Variants in GGT7 observed in about 807,000 individuals in gnomAD.
GGT7 encodes the protein gamma-glutamyltransferase 7.
Under a neutral mutation model 69.2 loss-of-function variants are expected in GGT7, and 30 were observed. The ratio of observed to expected loss-of-function variants is 0.43; its 90% CI spans 0.32 to 0.59. The LOEUF (loss-of-function observed/expected upper bound fraction) is 0.59, where lower values mean the gene tolerates loss of function less well. Among genes scored for constraint, GGT7 ranks in the 20% least tolerant of loss-of-function variants. GGT7 has a pLI of 0.05. For missense variants in GGT7, 733 were observed against 901.1 expected (o/e 0.81, Z 2.39); for synonymous variants, 388 against 391.8 (o/e 0.99, Z 0.12).
chr20:34,854,385 C>T lies in GGT7; in HGVS notation c.1319+146G>A, dbSNP rs562835989. 24 of 608,376 alleles carry T rather than the reference C, an allele frequency of 3.9e-5. No individual in the cohort carries two copies. In the East Asian group the frequency reaches 5.8e-4, roughly 15 times the overall value. 37.7% of individuals were successfully genotyped at this position (608,376 alleles called of 1,614,324 possible). A position where few individuals can be genotyped will look rare whatever the true frequency, so the allele number is the denominator to read the frequency against. ...AGGAAAGGTGAGGTGCAGGGAGAGGCACCCAGTGTCACGTTGTGAGTTGGG... is the reference window on the plus strand; with the variant it reads ...AGGAAAGGTGAGGTGCAGGGAGAGGTACCCAGTGTCACGTTGTGAGTTGGG... On this transcript the variant is annotated intron_variant, in intron 10 of 14. Coordinates refer to ENST00000336431, the MANE Select transcript of GGT7 (RefSeq NM_178026.3).
chr20:34,848,959 T>TC (rs1347469267), intron 14 of GGT7, among the ~76,000 whole-genome samples: 1 of 152,202 alleles, frequency 6.6e-6, no homozygotes, highest in Non-Finnish European at 1.5e-5. Context: ...AGCCCTTTTC[T>TC]TAGAGGAAAG....
At position 34,863,564 on chromosome 20, in the gene GGT7, C is replaced by CG; in HGVS notation, c.170-17dup. On this transcript the variant is annotated splice_polypyrimidine_tract_variant and intron_variant, in intron 1 of 14. Coordinates refer to ENST00000336431, the MANE Select transcript of GGT7 (RefSeq NM_178026.3). This position sits in a 1 kb window ranked among gnomAD's most constrained non-coding sequence, Gnocchi z 4.4. ...GAGTCCGGGTCTGCGGGCAGGCAGC[C>CG]GGGGTCGGTCTGGGCATCTCCTATC... is the stretch of plus-strand genomic sequence containing the variant. 6.5e-7 allele frequency: 1 copy of CG among 1,532,184 alleles called. No homozygotes were observed. The highest frequency in any genetic ancestry group is 8.9e-7 in the Non-Finnish European group (1 of 1,129,822). The allele number at this position is 1,532,184 out of a possible 1,614,324, so 94.9% of individuals were successfully genotyped here. A position where few individuals can be genotyped will look rare whatever the true frequency, so the allele number is the denominator to read the frequency against.
At chr20:34,867,723 T>A (rs1013770739) in intron 1 of GGT7, among the ~76,000 whole-genome samples, 1 of 151,924 alleles carries the variant, frequency 6.6e-6, no homozygotes, top group African/African-American at 2.4e-5. Context: ...TAAAGTAAAA[T>A]ATAAAATAAA....
intron 10 of GGT7, 43 bp downstream of exon 10, chr20:34,854,488 C>G (rs763012869): frequency 8.3e-7 from 1 of 1,202,272 alleles, no homozygotes; most frequent in South Asian, 1.2e-5. Context: ...TTCCCCACAC[C>G]CACCGCTGCC....
intron 8 of GGT7, among the ~76,000 whole-genome samples, chr20:34,856,445 G>C (rs984802543): frequency 6.6e-6 from 1 of 152,184 alleles, no homozygotes; most frequent in African/African-American, 2.4e-5. Flanking sequence ...GTGAAGCTTG[G>C]ATGGACTTTG....
intron 2 of GGT7, 23 bp from the exon 3 acceptor site, chr20:34,862,988 GT>G: frequency 6.2e-7 from 1 of 1,603,702 alleles, no homozygotes; most frequent in South Asian, 1.1e-5. Flanking sequence ...AGAGGACTTG[GT>G]GGGGGCAGGA....
Position 34,854,884 on chromosome 20 carries a change from G to A in GGT7, c.1142C>T (p.Pro381Leu). The A allele has an allele frequency of 6.2e-7, 1 of 1,614,014 alleles. No individual in the cohort carries two copies. Among genetic ancestry groups the A allele is most frequent in the Non-Finnish European group, 8.5e-7 (1 of 1,179,896 alleles). Residue 381 changes from proline to leucine, a missense_variant, in exon 9 of 15, where the codon CCT becomes CTT. Transcript: ENST00000336431. The stretch of plus-strand genomic sequence containing the variant: ...GATGTTGAGAGCACTGATGAGGGCA[G>A]GGCCCGTGTGCGGAGGTGGGGGACT... ...VLSPPPPHTG[P>L]ALISALNILE...
At position 34,845,149 on chromosome 20, in the gene GGT7, CA is replaced by C; in HGVS notation, c.*178del. 2.3e-5 allele frequency: 13 copies of C among 557,782 alleles called. No homozygotes were observed. Among genetic ancestry groups the C allele is most frequent in the Non-Finnish European group, 2.9e-5 (9 of 314,778 alleles). 34.6% of individuals were successfully genotyped at this position (557,782 alleles called of 1,614,324 possible). The stretch of plus-strand genomic sequence containing the variant: ...CCACCACCACCACCACCACCACCAC[CA>C]CCACAGGCCTCCTGATGGAGAATTT... On this transcript the variant is annotated 3_prime_UTR_variant, in exon 15 of 15. Coordinates refer to ENST00000336431, the MANE Select transcript of GGT7 (RefSeq NM_178026.3).
In GGT7 at chr20:34,860,061, A is replaced by T; in HGVS notation, c.744-19T>A. 4 of 806,548 alleles carry T rather than the reference A, an allele frequency of 5.0e-6. No individual in the cohort carries two copies. Among genetic ancestry groups the T allele is most frequent in the South Asian group, 1.6e-5 (1 of 63,996 alleles). The allele number at this position is 806,548 out of a possible 1,614,324, so 50.0% of individuals were successfully genotyped here. ...TGGCAGCCTGGGGGGGCCGGAGAGC[A>T]GGGGGTGGAGGAGGTCCTGGGGGAA... On this transcript the variant is annotated intron_variant, in intron 5 of 14. Coordinates refer to ENST00000336431, the MANE Select transcript of GGT7 (RefSeq NM_178026.3).
At position 34,852,291 on chromosome 20, in the gene GGT7, T is replaced by C. The variant is rs1601221147; in HGVS notation, c.1470-19A>G. On this transcript the variant is annotated intron_variant, in intron 11 of 14. Coordinates refer to ENST00000336431, the MANE Select transcript of GGT7 (RefSeq NM_178026.3). ...CAGGGAGCTGGGGGCCGAGGTGGGG[T>C]TGGGTGAGCCCTGGCCCATCCTCAC... is the stretch of plus-strand genomic sequence containing the variant. 2 of 1,602,722 alleles carry C rather than the reference T, an allele frequency of 1.2e-6. No homozygotes were observed. Among genetic ancestry groups the C allele is most frequent in the African/African-American group, 2.7e-5 (2 of 74,644 alleles).
intron 8 of GGT7, 93 bp downstream of exon 8, chr20:34,856,713 G>A: frequency 1.3e-6 from 1 of 741,124 alleles, no homozygotes; most frequent in Non-Finnish European, 2.4e-6. Flanking sequence ...TCTCTCCTGT[G>A]AAATGGAGAG....
At chr20:34,866,753 A>C (rs1250863625) in intron 1 of GGT7, among the ~76,000 whole-genome samples, 1 of 151,816 alleles carries the variant, frequency 6.6e-6, no homozygotes, top group Non-Finnish European at 1.5e-5. Flanking sequence ...CTAATTTTTT[A>C]TATTTTTAGT....
Position 34,852,424 on chromosome 20 carries a change from G to C in GGT7, c.1434C>G (p.Ile478Met), listed in dbSNP as rs2079412152. 1 of 1,613,990 alleles carries C rather than the reference G, an allele frequency of 6.2e-7. No homozygotes were observed. Among genetic ancestry groups the C allele is most frequent in the Admixed American group, 1.7e-5 (1 of 60,002 alleles). The part of the protein sequence containing the change: ...DGAPTAAQVL[I>M]MGPDDFIVAM... ...CCACAATGAAGTCATCAGGTCCCAT[G>C]ATCAGCACCTGGGCAGCCGTGGGAG... The change falls in exon 11 of 15, where the codon ATC becomes ATG. Residue 478 changes from isoleucine to methionine, a missense_variant. By Grantham distance (10) the Ile-to-Met change is conservative. Transcript: ENST00000336431.
At chr20:34,864,171 A>C (rs2079651183) in intron 1 of GGT7, among the ~76,000 whole-genome samples, 2 of 152,116 alleles carry the variant, frequency 1.3e-5, no homozygotes, top group South Asian at 4.1e-4. Flanking sequence ...GTGGTAGGGG[A>C]GGGAGGATTC....
chr20:34,852,482 G>T lies in GGT7; in HGVS notation c.1376C>A (p.Ala459Asp). Reference protein sequence around the residue: ...GHINDSQAAPAPLLPVYELDG... With the variant: ...GHINDSQAAPDPLLPVYELDG... The stretch of plus-strand genomic sequence containing the variant: ...TAGTTCATAGACAGGCAGGAGTGGG[G>T]CAGGGGCTGCCTGGGAGTCATTGAT... Residue 459 changes from alanine to aspartate, a missense_variant, in exon 11 of 15, where the codon GCC (alanine) becomes GAC (aspartate). Coordinates refer to ENST00000336431, the MANE Select transcript of GGT7 (RefSeq NM_178026.3). The T allele has an allele frequency of 6.2e-7, 1 of 1,610,404 alleles. No homozygotes were observed. Among genetic ancestry groups the T allele is most frequent in the Non-Finnish European group, 8.5e-7 (1 of 1,178,554 alleles).
At chr20:34,853,847 G>C (rs1019675409) in intron 10 of GGT7, among the ~76,000 whole-genome samples, 2 of 152,192 alleles carry the variant, frequency 1.3e-5, no homozygotes, top group African/African-American at 4.8e-5. Context: ...TTTGAATGAA[G>C]GCAGTCTCAC....
At chr20:34,854,127 G>C (rs1032726798) in intron 10 of GGT7, among the ~76,000 whole-genome samples, 1 of 152,180 alleles carries the variant, frequency 6.6e-6, no homozygotes, top group Non-Finnish European at 1.5e-5. Flanking sequence ...AGTAGAGGCA[G>C]GGTTTCACTA....
At chr20:34,872,324 C>T (rs1244713085) in intron 1 of GGT7, 1 of 217,776 alleles carries the variant, frequency 4.6e-6, no homozygotes, top group Non-Finnish European at 9.0e-6. Context: ...CTAGAGAAAG[C>T]CCTCTTCTGG....
Position 34,845,269 on chromosome 20 carries a change from G to T in GGT7, c.*59C>A. ...CCCCCTGAGACCAAACCTGGGAGAA[G>T]GAGGGACTCTGGGAACATGCAAAGT... On this transcript the variant is annotated 3_prime_UTR_variant, in exon 15 of 15. Coordinates refer to ENST00000336431, the MANE Select transcript of GGT7 (RefSeq NM_178026.3). 6.6e-7 allele frequency: 1 copy of T among 1,514,884 alleles called. No individual in the cohort carries two copies. Among genetic ancestry groups the T allele is most frequent in the Non-Finnish European group, 9.0e-7 (1 of 1,114,910 alleles). 93.8% of individuals were successfully genotyped at this position (1,514,884 alleles called of 1,614,324 possible).
Sources: gnomAD v4.1 joint callset for allele counts (sites outside exome capture counted in the v4.1 genomes callset) on GRCh38, gnomAD v4.1.1 for gene constraint, Gnocchi (gnomAD v3.1) non-coding constraint, MANE v1.5 for transcripts, NCBI Gene and HGNC (gene_info 2026-07-23, HGNC 2026-07-21) for gene names.